Variants in DNAH7 observed in about 807,000 individuals in gnomAD.
DNAH7 encodes axonemal beta dynein heavy chain 7.
In DNAH7, 397 loss-of-function variants were observed where a neutral mutation model predicts 444.6. The ratio of observed to expected loss-of-function variants is 0.89; its 90% CI spans 0.82 to 0.97. DNAH7 has a LOEUF of 0.97. Ranked by LOEUF, DNAH7 falls within the 50% of genes least tolerant of loss-of-function variation. The pLI is 0.00. For synonymous variants in DNAH7, 1,636 were observed against 1,624.4 expected (o/e 1.01, Z -0.17); for missense variants, 4,902 against 4,800.8 (o/e 1.02, Z -0.62).
intron 24 of DNAH7, among the ~76,000 whole-genome samples, chr2:195,913,385 T>C (rs1313796458): frequency 2.0e-5 from 3 of 152,154 alleles, no homozygotes; most frequent in South Asian, 2.1e-4. Context: ...TCCTATATCA[T>C]AGCCCATATC....
In DNAH7 at chr2:195,864,755, T is replaced by C; in HGVS notation, c.6900A>G (p.Leu2300=). ...DNLRMIVEIH[L]EEYNNISKKP... ...TTTTGCTTATATTGTTGTATTCTTCTAGGTGAATTTCTACTATCATTCGAA... is the reference window on the plus strand; with the variant it reads ...TTTTGCTTATATTGTTGTATTCTTCCAGGTGAATTTCTACTATCATTCGAA... Residue 2300 remains leucine, a synonymous_variant, in exon 41 of 65, where the codon CTA becomes CTG. Coordinates refer to ENST00000312428, the MANE Select transcript of DNAH7 (RefSeq NM_018897.3). 1 of 1,614,226 alleles carries C rather than the reference T, an allele frequency of 6.2e-7. No individual in the cohort carries two copies. Among genetic ancestry groups the C allele is most frequent in the Non-Finnish European group, 8.5e-7 (1 of 1,180,038 alleles).
At chr2:196,034,942 A>G (rs1422818106) in intron 5 of DNAH7, among the ~76,000 whole-genome samples, 1 of 152,228 alleles carries the variant, frequency 6.6e-6, no homozygotes, top group Non-Finnish European at 1.5e-5. Context: ...GCACTTTGGG[A>G]GGCCGAGGCA....
chr2:195,870,015 T>G (rs544292109), intron 40 of DNAH7, among the ~76,000 whole-genome samples: 25 of 152,292 alleles, frequency 1.6e-4, no homozygotes, highest in Non-Finnish European at 3.2e-4. Flanking sequence ...CTAACACATA[T>G]ACAATAGCAC....
At chr2:195,940,447 A>G (rs1344260191) in intron 19 of DNAH7, among the ~76,000 whole-genome samples, 5 of 152,220 alleles carry the variant, frequency 3.3e-5, no homozygotes, top group Admixed American at 6.5e-5. Context: ...AGGCAATACC[A>G]TTCAGGATAC....
intron 40 of DNAH7, among the ~76,000 whole-genome samples, chr2:195,871,196 A>T (rs889714713): frequency 6.6e-6 from 1 of 152,232 alleles, no homozygotes; most frequent in African/African-American, 2.4e-5. Flanking sequence ...CTGTATATCT[A>T]AAAAGTCCAG....
At chr2:195,931,215 T>A (rs886543743) in intron 21 of DNAH7, among the ~76,000 whole-genome samples, 1 of 152,206 alleles carries the variant, frequency 6.6e-6, no homozygotes, top group Non-Finnish European at 1.5e-5. Flanking sequence ...TTTAGCTGCA[T>A]AAATGTCTTC....
At chr2:195,961,673 A>G (rs959312950) in intron 17 of DNAH7, among the ~76,000 whole-genome samples, 1 of 152,360 alleles carries the variant, frequency 6.6e-6, no homozygotes, top group East Asian at 1.9e-4. Context: ...AAAATAGTTA[A>G]TGCACATTTA....
At chr2:195,779,447 G>A (rs2105957930) in intron 58 of DNAH7, among the ~76,000 whole-genome samples, 1 of 152,176 alleles carries the variant, frequency 6.6e-6, no homozygotes, top group African/African-American at 2.4e-5. Flanking sequence ...GTAGCAGCCA[G>A]TTTTAAAATC....
chr2:195,793,408 G>A (rs1421199371), intron 57 of DNAH7, among the ~76,000 whole-genome samples: 1 of 152,186 alleles, frequency 6.6e-6, no homozygotes, highest in Non-Finnish European at 1.5e-5. Context: ...TACTGCTGGA[G>A]AGACCTTTTG....
chr2:195,791,182 T>C (rs1695860671), intron 57 of DNAH7, among the ~76,000 whole-genome samples: 1 of 151,614 alleles, frequency 6.6e-6, no homozygotes, highest in African/African-American at 2.4e-5. Context: ...TACTAAAAAG[T>C]CAAGGCCAGG....
chr2:195,880,617 C>T (rs1450151066), intron 36 of DNAH7, among the ~76,000 whole-genome samples: 1 of 152,090 alleles, frequency 6.6e-6, no homozygotes, highest in African/African-American at 2.4e-5. Context: ...GGATTACAGG[C>T]GTGAGCCACT....
chr2:195,874,592 CT>C (rs1352520269), intron 38 of DNAH7, among the ~76,000 whole-genome samples: 1 of 141,308 alleles, frequency 7.1e-6, no homozygotes, highest in African/African-American at 2.9e-5. Context: ...GCAATATGGT[CT>C]TTTATTTAAA....
At chr2:196,009,952 C>T (rs561727554) in intron 10 of DNAH7, among the ~76,000 whole-genome samples, 43 of 152,240 alleles carry the variant, frequency 2.8e-4, no homozygotes, top group African/African-American at 1.0e-3. Context: ...ATCAAAAGCA[C>T]ACTGATGCCA....
chr2:195,781,479 G>T (rs1255829761), intron 58 of DNAH7, among the ~76,000 whole-genome samples: 1 of 152,122 alleles, frequency 6.6e-6, no homozygotes, highest in African/African-American at 2.4e-5. Context: ...GGGGTGGGTG[G>T]GTTGGTGGGC....
rs1344391482 is a variant in DNAH7, at chr2:195,816,865, G to C, written c.9524C>G (p.Ser3175Cys). ...AGAAATCTCATTAGCCAAGGCCTTG[G>C]AGGAAGATAATATCTTAATAGCAGT... is the stretch of plus-strand genomic sequence containing the variant. ...DETAIKILSS[S>C]KALANEISQK... Residue 3175 changes from serine to cysteine, a missense_variant, in exon 51 of 65, where the codon TCC (serine) becomes TGC (cysteine). By Grantham distance (112) the Ser-to-Cys change is moderately radical. Coordinates refer to ENST00000312428, the MANE Select transcript of DNAH7 (RefSeq NM_018897.3). 6 of 1,613,976 alleles carry C rather than the reference G, an allele frequency of 3.7e-6. No homozygotes were observed. Among genetic ancestry groups the C allele is most frequent in the Non-Finnish European group, 4.2e-6 (5 of 1,179,996 alleles).
At chr2:195,949,276 CTTAT>C (rs543137766) in intron 19 of DNAH7, among the ~76,000 whole-genome samples, 53 of 151,832 alleles carry the variant, frequency 3.5e-4, no homozygotes, top group African/African-American at 8.7e-4. Context: ...TTGAATACCA[CTTAT>C]TTATTTATTT....
At chr2:195,983,084 T>G (rs1198448053) in intron 15 of DNAH7, among the ~76,000 whole-genome samples, 2 of 152,148 alleles carry the variant, frequency 1.3e-5, no homozygotes, top group Admixed American at 1.3e-4. Flanking sequence ...AAATATCTCA[T>G]ATTCCCCATA....
At chr2:196,033,508 T>C (rs983398545) in intron 5 of DNAH7, among the ~76,000 whole-genome samples, 11 of 152,354 alleles carry the variant, frequency 7.2e-5, no homozygotes, top group African/African-American at 2.6e-4. Flanking sequence ...CTGTTTCTTT[T>C]AGTTCAAGTA....
chr2:196,052,039 T>C (rs1451143037), intron 2 of DNAH7, among the ~76,000 whole-genome samples: 1 of 152,234 alleles, frequency 6.6e-6, no homozygotes, highest in Non-Finnish European at 1.5e-5. Flanking sequence ...CTTGTATGCT[T>C]ATATTGCAAG....
Sources: gnomAD v4.1 joint callset for allele counts (sites outside exome capture counted in the v4.1 genomes callset) on GRCh38, gnomAD v4.1.1 for gene constraint, MANE v1.5 for transcripts, NCBI Gene and HGNC (gene_info 2026-07-23, HGNC 2026-07-21) for gene names.